Variants in CTNNA3 observed in about 807,000 individuals in gnomAD.
CTNNA3 encodes the protein catenin alpha 3, also known as catenin alpha-3.
In CTNNA3, 76 loss-of-function variants were observed where a neutral mutation model predicts 95.7. The ratio of observed to expected loss-of-function variants is 0.79; its 90% confidence interval spans 0.66 to 0.96. The LOEUF is 0.96. Ranked by LOEUF, CTNNA3 falls within the 40% of genes least tolerant of loss-of-function variation. CTNNA3 has a pLI of 0.00. For missense variants in CTNNA3, 1,191 were observed against 1,089.8 expected, an observed-to-expected ratio of 1.09 and a Z score of -1.31; for synonymous variants, 431 against 374.4, an observed-to-expected ratio of 1.15 and a Z score of -1.74.
intron 13 of CTNNA3, among the ~76,000 whole-genome samples, chr10:66,103,480 T>C (rs2081737969): frequency 6.6e-6 from 1 of 152,158 alleles, no homozygotes; most frequent in Non-Finnish European, 1.5e-5. Context: ...ACCAAATGTA[T>C]GCTTACTGAT....
intron 9 of CTNNA3, among the ~76,000 whole-genome samples, chr10:66,641,035 C>T (rs1457008699): frequency 2.6e-5 from 4 of 151,948 alleles, no homozygotes; most frequent in Non-Finnish European, 5.9e-5. Flanking sequence ...CCAAGTGATA[C>T]AATTAAGGAA....
chr10:66,627,603 A>G (rs915103997), intron 9 of CTNNA3, among the ~76,000 whole-genome samples: 2 of 152,124 alleles, frequency 1.3e-5, no homozygotes, highest in Non-Finnish European at 2.9e-5. Flanking sequence ...TACTTTCAAC[A>G]AAGTTGAAAG....
intron 5 of CTNNA3, among the ~76,000 whole-genome samples, chr10:67,451,316 G>A (rs1846973704): frequency 6.6e-6 from 1 of 151,754 alleles, no homozygotes; most frequent in South Asian, 2.1e-4. Flanking sequence ...TGTTATAGCA[G>A]GAGAAAACAG....
At chr10:65,967,476 C>T (rs1455465746) in intron 16 of CTNNA3, among the ~76,000 whole-genome samples, 1 of 152,128 alleles carries the variant, frequency 6.6e-6, no homozygotes, top group Non-Finnish European at 1.5e-5. Context: ...CTGTCCTGTG[C>T]TACTCAAATG....
chr10:67,639,149 C>T (rs998742018), intron 2 of CTNNA3, among the ~76,000 whole-genome samples: 12 of 151,870 alleles, frequency 7.9e-5, no homozygotes, highest in East Asian at 1.9e-4. Context: ...ATCAAATAGA[C>T]CCAATAAAAA....
chr10:67,762,544 C>T (rs1208786620), intron 1 of CTNNA3, among the ~76,000 whole-genome samples: 1 of 152,104 alleles, frequency 6.6e-6, no homozygotes, highest in Non-Finnish European at 1.5e-5. Flanking sequence ...CAACATTCAA[C>T]TGCACAGAAG....
chr10:66,437,507 A>G (rs911271738), intron 11 of CTNNA3, among the ~76,000 whole-genome samples: 1 of 151,998 alleles, frequency 6.6e-6, no homozygotes, highest in African/African-American at 2.4e-5. Flanking sequence ...ATGCTTCACA[A>G]AGTTCTCATG....
At chr10:66,300,162 G>T (rs1048321086) in intron 12 of CTNNA3, among the ~76,000 whole-genome samples, 2 of 152,166 alleles carry the variant, frequency 1.3e-5, no homozygotes, top group African/African-American at 2.4e-5. Flanking sequence ...TAAGAGATGG[G>T]ATTACAGGTG....
chr10:67,379,587 T>A (rs1843837565), intron 5 of CTNNA3, among the ~76,000 whole-genome samples: 1 of 152,208 alleles, frequency 6.6e-6, no homozygotes, highest in Non-Finnish European at 1.5e-5. Flanking sequence ...GTTTATACTT[T>A]AAAGGCTCTT....
intron 12 of CTNNA3, among the ~76,000 whole-genome samples, chr10:66,373,396 C>A (rs2092768584): frequency 6.6e-6 from 1 of 151,996 alleles, no homozygotes; most frequent in South Asian, 2.1e-4. Flanking sequence ...CAGCTACTTT[C>A]TTCAACTCAT....
At chr10:66,307,634 G>A (rs576966002) in intron 12 of CTNNA3, among the ~76,000 whole-genome samples, 2 of 152,172 alleles carry the variant, frequency 1.3e-5, no homozygotes, top group African/African-American at 4.8e-5. Context: ...GATTTAGGAT[G>A]AGAATAAATA....
intron 13 of CTNNA3, among the ~76,000 whole-genome samples, chr10:66,242,723 A>G (rs1443055466): frequency 1.3e-5 from 2 of 152,218 alleles, no homozygotes; most frequent in Non-Finnish European, 2.9e-5. Flanking sequence ...AGTTTCTTAA[A>G]TTAAGCATAT....
chr10:67,473,176 T>C (rs937828997), intron 5 of CTNNA3, among the ~76,000 whole-genome samples: 9 of 152,320 alleles, frequency 5.9e-5, no homozygotes, highest in African/African-American at 2.2e-4. Flanking sequence ...TGCTTAACTA[T>C]TACAATCTGG....
At chr10:66,933,222 G>C (rs1847508294) in intron 7 of CTNNA3, among the ~76,000 whole-genome samples, 2 of 152,310 alleles carry the variant, frequency 1.3e-5, no homozygotes, top group Admixed American at 1.3e-4. Flanking sequence ...TAGAAGTCTA[G>C]AACATCGTCT....
At chr10:66,049,833 CT>C in intron 15 of CTNNA3, among the ~76,000 whole-genome samples, 2 of 152,018 alleles carry the variant, frequency 1.3e-5, no homozygotes, top group Non-Finnish European at 2.9e-5. Flanking sequence ...GAAAAGATAA[CT>C]ATTGGGTACT....
At chr10:66,906,278 T>C (rs1415858214) in intron 7 of CTNNA3, among the ~76,000 whole-genome samples, 1 of 152,140 alleles carries the variant, frequency 6.6e-6, no homozygotes, top group Non-Finnish European at 1.5e-5. Context: ...GCATCTTGAA[T>C]GAAGTATTCT....
intron 17 of CTNNA3, among the ~76,000 whole-genome samples, chr10:65,924,987 C>T (rs2077144834): frequency 1.3e-5 from 2 of 152,136 alleles, no homozygotes; most frequent in Non-Finnish European, 2.9e-5. Context: ...GATTCAATTA[C>T]CTCCCACTGG....
rs562296688 is a variant in CTNNA3 at position 66,802,973 on chromosome 10, T to A, written c.1048-27449A>T. On this transcript the variant is annotated intron_variant, in intron 7 of 17. Coordinates refer to ENST00000433211, the MANE Select transcript of CTNNA3 (RefSeq NM_013266.4). Reference sequence around the variant, plus strand: ...GGGGTTGTGGTGTATAAGATTTGACTGTAAGGGGGCCCCAGTGAACTTAAT... The same window carrying A: ...GGGGTTGTGGTGTATAAGATTTGACAGTAAGGGGGCCCCAGTGAACTTAAT... 2.0e-5 allele frequency among the ~76,000 whole-genome samples: 3 copies of A among 152,066 alleles called. No homozygotes were observed. The South Asian group carries it at 6.2e-4, about 32-fold the overall frequency.
intron 9 of CTNNA3, among the ~76,000 whole-genome samples, chr10:66,629,866 G>T (rs1239524368): frequency 6.6e-6 from 1 of 152,006 alleles, no homozygotes; most frequent in East Asian, 1.9e-4. Context: ...TTGCTTAACT[G>T]CTATCCATCA....
Sources: allele counts gnomAD v4.1 joint callset (sites outside exome capture counted in the v4.1 genomes callset), GRCh38; gene constraint gnomAD v4.1.1; transcripts MANE v1.5; gene names NCBI Gene and HGNC (gene_info 2026-07-23, HGNC 2026-07-21).